The following TMEM132B variants were observed in gnomAD, a reference collection of about 807,000 sequenced individuals.
TMEM132B encodes transmembrane protein 132B.
Under a neutral mutation model 90.8 loss-of-function variants are expected in TMEM132B, and 18 were observed. The observed-to-expected ratio is 0.20, with a 90% CI of 0.14 to 0.29. TMEM132B has a LOEUF of 0.29. TMEM132B is among the 10% of genes least tolerant of loss of function. The pLI is 1.00. For synonymous variants in TMEM132B, 504 were observed against 523.3 expected (o/e 0.96, Z 0.50); for missense variants, 1,096 against 1,326.8 (o/e 0.83, Z 2.70).
intron 3 of TMEM132B, among the ~76,000 whole-genome samples, chr12:125,450,480 A>G (rs1000337057): frequency 2.0e-5 from 3 of 152,160 alleles, no homozygotes; most frequent in Admixed American, 2.0e-4. Context: ...TAAAACAAAA[A>G]TAAATAAGCA....
At chr12:125,541,888 G>T (rs1164439796) in intron 4 of TMEM132B, among the ~76,000 whole-genome samples, 1 of 151,812 alleles carries the variant, frequency 6.6e-6, no homozygotes, top group African/African-American at 2.4e-5. Flanking sequence ...AGCCGGGCGT[G>T]GTGGCGGGCA....
chr12:125,490,757 C>T lies in TMEM132B; in HGVS notation c.1107-28682C>T, dbSNP rs927701896. 3.2e-4 allele frequency among the ~76,000 whole-genome samples: 49 copies of T among 152,158 alleles called. No homozygotes were observed. The highest frequency in any genetic ancestry group is 9.9e-4 in the African/African-American group (41 of 41,408). On this transcript the variant is annotated intron_variant, in intron 3 of 8. Coordinates refer to ENST00000682704, the MANE Select transcript of TMEM132B (RefSeq NM_001366854.1). This position sits in a 1 kb window ranked among gnomAD's most constrained non-coding sequence, Gnocchi z 4.2. ...CTGGGATTACAGGTGTGAGCCACCG[C>T]GCCCGGCCAATTTCTTTCCTTTTGA...
intron 1 of TMEM132B, among the ~76,000 whole-genome samples, chr12:125,260,660 C>G (rs1874542880): frequency 6.6e-6 from 1 of 152,122 alleles, no homozygotes. Flanking sequence ...TAAATTGCCC[C>G]ACTTGTTTTC....
chr12:125,417,705 C>T (rs1880055603), intron 3 of TMEM132B, among the ~76,000 whole-genome samples: 1 of 152,134 alleles, frequency 6.6e-6, no homozygotes, highest in Non-Finnish European at 1.5e-5. Context: ...AGCTTTTTCT[C>T]AGACAGGCCC....
chr12:125,632,665 T>C (rs1314505538), intron 5 of TMEM132B, among the ~76,000 whole-genome samples: 1 of 152,100 alleles, frequency 6.6e-6, no homozygotes, highest in Non-Finnish European at 1.5e-5. Context: ...AGATGTACTA[T>C]TCTAGTGTCA....
At chr12:125,464,064 C>G (rs946283539) in intron 3 of TMEM132B, among the ~76,000 whole-genome samples, 9 of 152,182 alleles carry the variant, frequency 5.9e-5, no homozygotes, top group African/African-American at 2.2e-4. Flanking sequence ...CCAGATCCCT[C>G]CCTTGACCCA....
rs1263294201 is a variant in TMEM132B, at chr12:125,206,025, C to G, written c.67+19159C>G. On this transcript the variant is annotated intron_variant, in intron 1 of 8. Coordinates refer to ENST00000682704, the MANE Select transcript of TMEM132B (RefSeq NM_001366854.1). ...TGGTGGGGTGGGGAAGAAGGAGCTT[C>G]TTAGCTCCTGGATTCTTCAGAAAGG... is the stretch of plus-strand genomic sequence containing the variant. Among the ~76,000 whole-genome samples the G allele has an allele frequency of 2.0e-5, 3 of 152,164 alleles. No homozygotes were observed. In the South Asian group the frequency reaches 6.2e-4, roughly 31 times the overall value.
intron 5 of TMEM132B, among the ~76,000 whole-genome samples, chr12:125,589,412 G>A (rs1350908088): frequency 2.8e-5 from 4 of 143,128 alleles, no homozygotes; most frequent in African/African-American, 2.6e-5. Context: ...AACCCGGGAC[G>A]CGGAGCTTGC....
rs1882383414 is a variant in TMEM132B, at chr12:125,492,565, A to T, written c.1107-26874A>T. On this transcript the variant is annotated intron_variant, in intron 3 of 8. Coordinates refer to ENST00000682704, the MANE Select transcript of TMEM132B (RefSeq NM_001366854.1). This position sits in a 1 kb window ranked among gnomAD's most constrained non-coding sequence, Gnocchi z 5.8. ...CTGCACAGGGCGGACAGGAGCCAGG[A>T]CTCCTGGAGGCAGGTGCGTCCAGGG... Among the ~76,000 whole-genome samples, 1 of 151,876 alleles carries T rather than the reference A, an allele frequency of 6.6e-6. No homozygotes were observed. Among genetic ancestry groups the T allele is most frequent in the Non-Finnish European group, 1.5e-5 (1 of 67,948 alleles).
chr12:125,363,346 A>G (rs1878020812), intron 2 of TMEM132B, among the ~76,000 whole-genome samples: 1 of 152,172 alleles, frequency 6.6e-6, no homozygotes, highest in Admixed American at 6.5e-5. Context: ...TGATGGGTAC[A>G]GTGGTGTGTT....
chr12:125,266,984 C>G (rs1874711022), intron 1 of TMEM132B, among the ~76,000 whole-genome samples: 1 of 152,014 alleles, frequency 6.6e-6, no homozygotes, highest in Non-Finnish European at 1.5e-5. Flanking sequence ...GATGGTGAGC[C>G]TTGCTGGTCA....
intron 3 of TMEM132B, among the ~76,000 whole-genome samples, chr12:125,454,392 T>TTGTG (rs749400783): frequency 0.037 from 4,183 of 112,050 alleles, 143 homozygotes; most frequent in African/African-American, 0.1. Context: ...GTGTGTGTGT[T>TTGTG]TGTGTGTGTG....
At chr12:125,226,102 A>G (rs1873675434) in intron 1 of TMEM132B, among the ~76,000 whole-genome samples, 1 of 152,240 alleles carries the variant, frequency 6.6e-6, no homozygotes, top group Non-Finnish European at 1.5e-5. Flanking sequence ...TTTGTGGGCT[A>G]GTTTCAAGTA....
At position 125,503,926 on chromosome 12, in the gene TMEM132B, C is replaced by T. The variant is rs140765347; in HGVS notation, c.1107-15513C>T. ...GGAGAAGCTAGAGAAGTTACATGCA[C>T]ATAATTTTTTCTATTTGTAGTTGGC... On this transcript the variant is annotated intron_variant, in intron 3 of 8. Coordinates refer to ENST00000682704, the MANE Select transcript of TMEM132B (RefSeq NM_001366854.1). 2.3e-3 allele frequency among the ~76,000 whole-genome samples: 354 copies of T among 152,280 alleles called. 7 individuals are homozygous for T. The highest frequency in any genetic ancestry group is 7.9e-3 in the African/African-American group (330 of 41,556).
chr12:125,650,081 G>C (rs192125570), intron 6 of TMEM132B, among the ~76,000 whole-genome samples: 40 of 152,276 alleles, frequency 2.6e-4, no homozygotes, highest in African/African-American at 9.4e-4. Flanking sequence ...TTTCTGTACA[G>C]ACTCAAGGAC....
Position 125,571,150 on chromosome 12 carries a change from G to A in TMEM132B, c.1294-12701G>A, listed in dbSNP as rs867766056. ...GTTTGTTTTCCAAGTGAGGAGCTGA[G>A]AGGAGACCCAGCGCAGCAGCCGGGA... is the stretch of plus-strand genomic sequence containing the variant. On this transcript the variant is annotated intron_variant, in intron 4 of 8. Transcript: ENST00000682704. Among the ~76,000 whole-genome samples the A allele has an allele frequency of 4.6e-5, 7 of 152,346 alleles. 1 individual carries two copies. The Middle Eastern group carries it at 0.024, about 518-fold the overall frequency.
chr12:125,643,977 T>G, intron 5 of TMEM132B, 99 bp from the exon 6 acceptor site: 1 of 1,084,338 alleles, frequency 9.2e-7, no homozygotes, highest in South Asian at 1.4e-5. Context: ...TGGTGTCTAA[T>G]AAATCAGAGC....
intron 5 of TMEM132B, among the ~76,000 whole-genome samples, chr12:125,611,742 A>G (rs1041956742): frequency 1.3e-5 from 2 of 152,036 alleles, no homozygotes; most frequent in African/African-American, 4.8e-5. Context: ...TAAATTTCTG[A>G]TTTAAGTCTA....
intron 5 of TMEM132B, among the ~76,000 whole-genome samples, chr12:125,599,491 T>C (rs974777966): frequency 1.3e-5 from 2 of 152,144 alleles, no homozygotes; most frequent in African/African-American, 4.8e-5. Flanking sequence ...ATCTGACTCT[T>C]ACGCTCTCTG....
Sources: gnomAD v4.1 joint callset for allele counts (sites outside exome capture counted in the v4.1 genomes callset) on GRCh38, gnomAD v4.1.1 for gene constraint, Gnocchi (gnomAD v3.1) non-coding constraint, MANE v1.5 for transcripts, NCBI Gene and HGNC (gene_info 2026-07-23, HGNC 2026-07-21) for gene names.